Variants in ACOXL observed in about 807,000 individuals in gnomAD.
The protein encoded by ACOXL is acyl-coenzyme A oxidase-like protein.
Under a neutral mutation model 71.9 loss-of-function variants are expected in ACOXL, and 70 were observed. That is an observed-to-expected ratio of 0.97 (90% CI 0.80 to 1.19). The LOEUF (loss-of-function observed/expected upper bound fraction) is 1.19. Ranked by LOEUF, ACOXL falls within the 50% of genes most tolerant of loss-of-function variation. The pLI is 0.00. For missense variants in ACOXL, 703 were observed against 736.3 expected (o/e 0.95, Z 0.52); for synonymous variants, 253 against 281.6 (o/e 0.90, Z 1.02).
chr2:110,995,585 T>C (rs2063358874), intron 13 of ACOXL, among the ~76,000 whole-genome samples: 1 of 149,582 alleles, frequency 6.7e-6, no homozygotes, highest in South Asian at 2.1e-4. Context: ...AGAAATTACA[T>C]TGCTGTTAAC....
chr2:110,917,350 A>G (rs547634513), intron 11 of ACOXL, among the ~76,000 whole-genome samples: 5 of 152,214 alleles, frequency 3.3e-5, no homozygotes, highest in Admixed American at 2.0e-4. Flanking sequence ...ACAAAATTCA[A>G]CACCCCTACA....
chr2:111,112,255 A>G (rs1434389538), intron 17 of ACOXL, among the ~76,000 whole-genome samples: 2 of 152,218 alleles, frequency 1.3e-5, no homozygotes, highest in African/African-American at 2.4e-5. Flanking sequence ...GAGAAAACCA[A>G]TGAGAATGTA....
In ACOXL at chr2:110,805,387, G is replaced by A; in HGVS notation, c.745G>A (p.Ala249Thr). ...AGCTGTGGCTTTCCAAGCTATGGGT[G>A]CCATGAAGGTAATTGACTCTGATTT... is the stretch of plus-strand genomic sequence containing the variant. ...RLAVAFQAMGAMKLGLTIAIR... is the reference protein window; with the variant it reads ...RLAVAFQAMGTMKLGLTIAIR... Residue 249 changes from alanine to threonine, a missense_variant, in exon 9 of 18, where the codon GCC (alanine) becomes ACC (threonine). Transcript: ENST00000439055. The A allele has an allele frequency of 1.9e-6, 3 of 1,614,210 alleles. No individual in the cohort carries two copies. The highest frequency in any genetic ancestry group is 2.5e-6 in the Non-Finnish European group (3 of 1,180,034).
intron 1 of ACOXL, among the ~76,000 whole-genome samples, chr2:110,761,902 G>A (rs897346253): frequency 3.9e-5 from 6 of 152,142 alleles, no homozygotes; most frequent in African/African-American, 1.2e-4. Context: ...TTTTATCATA[G>A]TAATACTTTG....
At chr2:110,763,321 T>C (rs1427958905) in intron 1 of ACOXL, among the ~76,000 whole-genome samples, 2 of 152,172 alleles carry the variant, frequency 1.3e-5, no homozygotes, top group African/African-American at 4.8e-5. Flanking sequence ...TGTATAGTGG[T>C]GGTGAAAGAA....
At chr2:110,865,626 A>G (rs1694496114) in intron 10 of ACOXL, among the ~76,000 whole-genome samples, 1 of 152,192 alleles carries the variant, frequency 6.6e-6, no homozygotes, top group Admixed American at 6.5e-5. Flanking sequence ...TAGATGGAGC[A>G]CATTCTTATT....
chr2:111,104,341 G>A (rs982367293), intron 17 of ACOXL, among the ~76,000 whole-genome samples: 3 of 152,152 alleles, frequency 2.0e-5, no homozygotes, highest in African/African-American at 7.2e-5. Context: ...TAATTTCTCT[G>A]TAGTAGATGT....
intron 5 of ACOXL, chr2:110,796,205 TG>T (rs1444022037): frequency 6.6e-6 from 1 of 152,226 alleles, no homozygotes; most frequent in African/African-American, 2.4e-5. Flanking sequence ...TTCATTCCTG[TG>T]GGTTGGTTGT....
chr2:110,814,423 ATT>A (rs35676187), intron 9 of ACOXL, among the ~76,000 whole-genome samples: 3 of 144,380 alleles, frequency 2.1e-5, no homozygotes, highest in African/African-American at 2.5e-5. Context: ...TGTCCAGTGG[ATT>A]TTTTTTTTTT....
At chr2:110,747,910 T>C (rs1157486804) in intron 1 of ACOXL, among the ~76,000 whole-genome samples, 1 of 152,118 alleles carries the variant, frequency 6.6e-6, no homozygotes, top group Non-Finnish European at 1.5e-5. Flanking sequence ...GGGCCTCCTC[T>C]CTCTGCCCAC....
intron 11 of ACOXL, among the ~76,000 whole-genome samples, chr2:110,924,177 A>G (rs1329978576): frequency 6.6e-6 from 1 of 152,260 alleles, no homozygotes; most frequent in African/African-American, 2.4e-5. Context: ...TGCTAAAAAA[A>G]GACTAATGAG....
intron 2 of ACOXL, among the ~76,000 whole-genome samples, chr2:110,775,991 A>G (rs899850124): frequency 1.3e-5 from 2 of 152,278 alleles, no homozygotes; most frequent in Admixed American, 6.5e-5. Flanking sequence ...CCCAATAGCC[A>G]AAAGGTAGAA....
At chr2:111,061,060 G>T (rs1233392265) in intron 16 of ACOXL, among the ~76,000 whole-genome samples, 1 of 152,086 alleles carries the variant, frequency 6.6e-6, no homozygotes, top group Non-Finnish European at 1.5e-5. Context: ...ATATCATTTG[G>T]GGTTCCAGGA....
intron 1 of ACOXL, among the ~76,000 whole-genome samples, chr2:110,741,793 C>A (rs1677574624): frequency 6.6e-6 from 1 of 152,210 alleles, no homozygotes; most frequent in African/African-American, 2.4e-5. Context: ...AATCTCTTAT[C>A]TGTGGTTTCC....
intron 12 of ACOXL, among the ~76,000 whole-genome samples, chr2:110,971,919 T>A (rs2062208399): frequency 6.6e-6 from 1 of 152,222 alleles, no homozygotes; most frequent in Admixed American, 6.5e-5. Flanking sequence ...TCTGGGAGTA[T>A]ATTTTAAACA....
intron 1 of ACOXL, among the ~76,000 whole-genome samples, chr2:110,733,678 G>T (rs1393961449): frequency 1.3e-5 from 2 of 152,164 alleles, no homozygotes; most frequent in East Asian, 3.8e-4. Flanking sequence ...GCTGTCCTTG[G>T]AGAATCTGGG....
At chr2:110,826,664 A>G (rs570346950) in intron 9 of ACOXL, among the ~76,000 whole-genome samples, 1 of 151,730 alleles carries the variant, frequency 6.6e-6, no homozygotes, top group Non-Finnish European at 1.5e-5. Flanking sequence ...GGCCATATTG[A>G]TGTTAAAAAC....
At chr2:110,878,871 A>G (rs980233481) in intron 10 of ACOXL, among the ~76,000 whole-genome samples, 1 of 151,950 alleles carries the variant, frequency 6.6e-6, no homozygotes, top group Admixed American at 6.6e-5. Context: ...CAGCCTGGCA[A>G]AGATGGTTAA....
chr2:110,879,665 G>A (rs1236493937), intron 10 of ACOXL, among the ~76,000 whole-genome samples: 1 of 152,108 alleles, frequency 6.6e-6, no homozygotes, highest in Non-Finnish European at 1.5e-5. Context: ...GAACTTAAAC[G>A]CTCCAGAACA....
Sources: allele counts gnomAD v4.1 joint callset (sites outside exome capture counted in the v4.1 genomes callset), GRCh38; gene constraint gnomAD v4.1.1; transcripts MANE v1.5; gene names NCBI Gene and HGNC (gene_info 2026-07-23, HGNC 2026-07-21).